Variants in CCDC85A observed in about 807,000 individuals in gnomAD.
The protein encoded by CCDC85A is coiled-coil domain-containing protein 85A.
In CCDC85A, 38 loss-of-function variants were observed where a neutral mutation model predicts 50.2. The ratio of observed to expected loss-of-function variants is 0.76; its 90% CI spans 0.58 to 0.99. The LOEUF is 0.99. CCDC85A is among the 50% of genes least tolerant of loss of function. The pLI, the probability that CCDC85A is intolerant of heterozygous loss-of-function variation, is 0.00. For synonymous variants in CCDC85A, 366 were observed against 301.4 expected (o/e 1.21, Z -2.22); for missense variants, 820 against 742.0 (o/e 1.11, Z -1.22).
At chr2:56,234,534 T>C (rs1018116673) in intron 2 of CCDC85A, among the ~76,000 whole-genome samples, 16 of 152,218 alleles carry the variant, frequency 1.1e-4, no homozygotes, top group Admixed American at 5.2e-4. Context: ...ATATTTTCAT[T>C]GTCTCTTGTA....
At chr2:56,313,834 G>A (rs753291472) in intron 2 of CCDC85A, among the ~76,000 whole-genome samples, 1 of 151,908 alleles carries the variant, frequency 6.6e-6, no homozygotes, top group Non-Finnish European at 1.5e-5. Context: ...TCACAGGGAG[G>A]GCAGGGACTT....
intron 2 of CCDC85A, among the ~76,000 whole-genome samples, chr2:56,273,442 TATA>T (rs537003564): frequency 2.5e-3 from 386 of 152,210 alleles, no homozygotes; most frequent in Non-Finnish European, 4.2e-3. Flanking sequence ...AGTTAGACTT[TATA>T]ATAATAACAC....
Position 56,263,597 on chromosome 2 carries a change from AGTGT to A in CCDC85A, c.1240+70162_1240+70165del, listed in dbSNP as rs777924371. Among the ~76,000 whole-genome samples the A allele has an allele frequency of 2.0e-5, 3 of 152,164 alleles. No individual in the cohort carries two copies. The East Asian group carries it at 5.8e-4, about 29-fold the overall frequency. Reference sequence around the variant, plus strand: ...AGCTGGGTGTGAGGGGGTGTGTATGAGTGTGTGTTCTTGAGAGTCTGTGTCTGTA... The same window carrying A: ...AGCTGGGTGTGAGGGGGTGTGTATGAGTGTTCTTGAGAGTCTGTGTCTGTA... On this transcript the variant is annotated intron_variant, in intron 2 of 5. Transcript: ENST00000407595.
intron 5 of CCDC85A, among the ~76,000 whole-genome samples, chr2:56,377,326 G>A (rs1369256526): frequency 6.6e-6 from 1 of 152,154 alleles, no homozygotes; most frequent in African/African-American, 2.4e-5. Flanking sequence ...CATGAATCAG[G>A]CACTAGCTAT....
At chr2:56,269,217 C>G (rs191353183) in intron 2 of CCDC85A, among the ~76,000 whole-genome samples, 1 of 152,238 alleles carries the variant, frequency 6.6e-6, no homozygotes, top group Non-Finnish European at 1.5e-5. Context: ...CAATAACTTA[C>G]CTTACCTGGG....
intron 2 of CCDC85A, among the ~76,000 whole-genome samples, chr2:56,293,058 C>T (rs1469189685): frequency 2.0e-5 from 3 of 152,178 alleles, no homozygotes; most frequent in Non-Finnish European, 4.4e-5. Context: ...AGGCTACCCC[C>T]AGCTGGAGAA....
intron 2 of CCDC85A, among the ~76,000 whole-genome samples, chr2:56,284,960 C>G (rs747387344): frequency 7.2e-5 from 11 of 152,068 alleles, no homozygotes; most frequent in Non-Finnish European, 1.5e-4. Context: ...TATTCTTCAT[C>G]CTTTTACTTT....
intron 3 of CCDC85A, among the ~76,000 whole-genome samples, chr2:56,351,996 T>G (rs2104346554): frequency 6.6e-6 from 1 of 152,332 alleles, no homozygotes; most frequent in South Asian, 2.1e-4. Context: ...GTCTAAGGTT[T>G]AAGTCTTTAA....
intron 2 of CCDC85A, among the ~76,000 whole-genome samples, chr2:56,292,361 G>A (rs1451893884): frequency 6.6e-6 from 1 of 152,140 alleles, no homozygotes; most frequent in Non-Finnish European, 1.5e-5. Context: ...GCTATTACAG[G>A]AGTGAGCCAC....
At chr2:56,202,806 A>G (rs1676798429) in intron 2 of CCDC85A, among the ~76,000 whole-genome samples, 1 of 152,246 alleles carries the variant, frequency 6.6e-6, no homozygotes, top group African/African-American at 2.4e-5. Flanking sequence ...AACCAAGCTC[A>G]TTAATTCAGC....
At chr2:56,278,672 C>G (rs1331972315) in intron 2 of CCDC85A, among the ~76,000 whole-genome samples, 1 of 152,116 alleles carries the variant, frequency 6.6e-6, no homozygotes, top group African/African-American at 2.4e-5. Flanking sequence ...CTCCTGGGTT[C>G]AAGCGATTCT....
chr2:56,359,476 C>T (rs563617403), intron 3 of CCDC85A, among the ~76,000 whole-genome samples: 3 of 152,226 alleles, frequency 2.0e-5, no homozygotes, highest in Admixed American at 6.5e-5. Flanking sequence ...CTTTTGTTTC[C>T]TGGCGATCTC....
At chr2:56,286,057 C>A (rs992074801) in intron 2 of CCDC85A, among the ~76,000 whole-genome samples, 2 of 144,918 alleles carry the variant, frequency 1.4e-5, no homozygotes, top group African/African-American at 2.5e-5. Flanking sequence ...TTGTTTGGGT[C>A]CATTATTTCT....
At chr2:56,243,922 G>A (rs781010499) in intron 2 of CCDC85A, among the ~76,000 whole-genome samples, 4 of 152,286 alleles carry the variant, frequency 2.6e-5, no homozygotes, top group Middle Eastern at 3.4e-3. Flanking sequence ...TCTTGGATAA[G>A]TTCTAGAATA....
In CCDC85A at chr2:56,256,564, G is replaced by A. The variant is rs546285189; in HGVS notation, c.1240+63124G>A. 1.6e-4 allele frequency among the ~76,000 whole-genome samples: 24 copies of A among 152,302 alleles called. No individual in the cohort carries two copies. In the South Asian group the frequency reaches 1.7e-3, roughly 11 times the overall value. ...GAATTGTACCGATTGGAATTAATTC[G>A]CAACTCAGATATTTTCTAGGGGATA... On this transcript the variant is annotated intron_variant, in intron 2 of 5. Coordinates refer to ENST00000407595, the MANE Select transcript of CCDC85A (RefSeq NM_001080433.2).
chr2:56,323,013 A>G (rs2104267899), intron 2 of CCDC85A, among the ~76,000 whole-genome samples: 1 of 152,284 alleles, frequency 6.6e-6, no homozygotes, highest in African/African-American at 2.4e-5. Flanking sequence ...ATGAAACTGG[A>G]AACCATCATT....
chr2:56,239,373 G>T (rs1292342542), intron 2 of CCDC85A, among the ~76,000 whole-genome samples: 1 of 152,122 alleles, frequency 6.6e-6, no homozygotes, highest in South Asian at 2.1e-4. Context: ...GAAACCTGGC[G>T]GACTAAAGCC....
At chr2:56,241,239 G>A (rs1447610112) in intron 2 of CCDC85A, among the ~76,000 whole-genome samples, 5 of 151,840 alleles carry the variant, frequency 3.3e-5, no homozygotes, top group Admixed American at 2.6e-4. Context: ...TTTTGATACA[G>A]ACATACAATT....
chr2:56,204,208 T>A (rs745620926), intron 2 of CCDC85A, among the ~76,000 whole-genome samples: 2 of 152,172 alleles, frequency 1.3e-5, no homozygotes, highest in Non-Finnish European at 2.9e-5. Flanking sequence ...AAGAAGATCC[T>A]TTAAACACAG....
Sources: gnomAD v4.1 joint callset for allele counts (sites outside exome capture counted in the v4.1 genomes callset) on GRCh38, gnomAD v4.1.1 for gene constraint, MANE v1.5 for transcripts, NCBI Gene and HGNC (gene_info 2026-07-23, HGNC 2026-07-21) for gene names.